Variants in CAP2 observed in about 807,000 individuals in gnomAD.
CAP2 encodes adenylyl cyclase-associated protein 2.
In CAP2, 24 loss-of-function variants were observed where a neutral mutation model predicts 57.7. That is an observed-to-expected ratio of 0.42 (90% CI 0.30 to 0.58). CAP2 has a LOEUF of 0.58. CAP2 is among the 20% of genes least tolerant of loss of function. The probability of loss-of-function intolerance (pLI) is 0.22; values close to 1 mark genes in which losing one functional copy is unlikely to be tolerated. For missense variants in CAP2, 501 were observed against 590.3 expected, an observed-to-expected ratio of 0.85 and a Z score of 1.57; for synonymous variants, 194 against 207.2, an observed-to-expected ratio of 0.94 and a Z score of 0.55.
intron 4 of CAP2, among the ~76,000 whole-genome samples, chr6:17,497,567 T>C (rs1254767698): frequency 6.6e-6 from 1 of 152,242 alleles, no homozygotes; most frequent in Admixed American, 6.5e-5. Context: ...TCGTTATTTG[T>C]CATTGCCTAG....
intron 4 of CAP2, among the ~76,000 whole-genome samples, chr6:17,473,842 T>G (rs1277926714): frequency 1.3e-5 from 2 of 152,204 alleles, no homozygotes; most frequent in Non-Finnish European, 2.9e-5. Flanking sequence ...CAGTGAGGGC[T>G]CGATTGAAGC....
At chr6:17,420,865 GT>G (rs1175850889) in intron 1 of CAP2, among the ~76,000 whole-genome samples, 12 of 151,978 alleles carry the variant, frequency 7.9e-5, no homozygotes, top group Non-Finnish European at 1.8e-4. Context: ...CAAGTTTTAG[GT>G]TCTTTTGAAT....
intron 11 of CAP2, 125 bp from the exon 12 acceptor site, chr6:17,551,339 C>G: frequency 1.4e-6 from 1 of 717,698 alleles, no homozygotes; most frequent in African/African-American, 1.8e-5. Flanking sequence ...CCAGCTTTGA[C>G]CCAGTGAATT....
intron 4 of CAP2, among the ~76,000 whole-genome samples, chr6:17,506,313 T>G (rs1179421946): frequency 1.3e-5 from 2 of 152,150 alleles, no homozygotes; most frequent in Non-Finnish European, 2.9e-5. Context: ...CAATGTAGAA[T>G]GCCAACAAAG....
At chr6:17,414,325 A>G (rs538970016) in intron 1 of CAP2, among the ~76,000 whole-genome samples, 4 of 151,898 alleles carry the variant, frequency 2.6e-5, no homozygotes, top group African/African-American at 9.7e-5. Flanking sequence ...TGTGCAGAAC[A>G]TGCAGGTTCG....
intron 7 of CAP2, among the ~76,000 whole-genome samples, chr6:17,519,024 C>T (rs79805106): frequency 0.018 from 2,806 of 152,232 alleles, 87 homozygotes; most frequent in East Asian, 0.13. Context: ...AAGTTTATGA[C>T]GACTTAACAT....
At chr6:17,487,091 C>T (rs1201683857) in intron 4 of CAP2, among the ~76,000 whole-genome samples, 1 of 152,228 alleles carries the variant, frequency 6.6e-6, no homozygotes, top group Non-Finnish European at 1.5e-5. Flanking sequence ...ATTAACTCAG[C>T]ACTTAATTGC....
At chr6:17,483,298 G>T (rs11967323) in intron 4 of CAP2, among the ~76,000 whole-genome samples, 1,950 of 152,260 alleles carry the variant, frequency 0.013, 49 homozygotes, top group African/African-American at 0.045. Context: ...AAAGTGCAGG[G>T]TACATAGATA....
chr6:17,477,156 G>C (rs1277394069), intron 4 of CAP2, among the ~76,000 whole-genome samples: 1 of 152,116 alleles, frequency 6.6e-6, no homozygotes, highest in Non-Finnish European at 1.5e-5. Flanking sequence ...TTACAGGCGT[G>C]AGCCACCGTG....
At chr6:17,550,721 GA>G (rs1377193913) in intron 11 of CAP2, among the ~76,000 whole-genome samples, 1 of 152,058 alleles carries the variant, frequency 6.6e-6, no homozygotes, top group Non-Finnish European at 1.5e-5. Flanking sequence ...TGTTAGAAGA[GA>G]AATTTAAAAC....
chr6:17,496,796 T>C (rs1476028443), intron 4 of CAP2, among the ~76,000 whole-genome samples: 1 of 152,196 alleles, frequency 6.6e-6, no homozygotes, highest in African/African-American at 2.4e-5. Context: ...GTTGTTGAAA[T>C]TCTTTGCATC....
intron 3 of CAP2, among the ~76,000 whole-genome samples, chr6:17,434,763 C>T (rs1759828840): frequency 6.6e-6 from 1 of 152,184 alleles, no homozygotes; most frequent in South Asian, 2.1e-4. Context: ...ATTATGTACA[C>T]TGCTTCACAC....
At chr6:17,530,917 T>C in intron 7 of CAP2, 1 of 1,488,636 alleles carries the variant, frequency 6.7e-7, no homozygotes, top group Non-Finnish European at 9.2e-7. Flanking sequence ...CTAATAAGCC[T>C]GTTGATCTGG....
At chr6:17,464,919 T>C (rs975443012) in intron 4 of CAP2, among the ~76,000 whole-genome samples, 1 of 152,224 alleles carries the variant, frequency 6.6e-6, no homozygotes, top group African/African-American at 2.4e-5. Context: ...GAAGAAGAAC[T>C]GTGACTTTCC....
intron 1 of CAP2, among the ~76,000 whole-genome samples, chr6:17,397,409 A>C (rs570309211): frequency 1.3e-4 from 20 of 150,768 alleles, no homozygotes; most frequent in Non-Finnish European, 2.2e-4. Flanking sequence ...AATTACCCAC[A>C]TTGGGCTGGG....
At chr6:17,538,078 A>G (rs1448940990) in intron 7 of CAP2, among the ~76,000 whole-genome samples, 1 of 151,868 alleles carries the variant, frequency 6.6e-6, no homozygotes, top group Non-Finnish European at 1.5e-5. Context: ...AAATTAAATA[A>G]AAGTAAAACA....
intron 6 of CAP2, among the ~76,000 whole-genome samples, chr6:17,509,303 C>G (rs186374551): frequency 6.6e-6 from 1 of 151,594 alleles, no homozygotes; most frequent in South Asian, 2.1e-4. Context: ...AAAATACACA[C>G]GAGATGTTAA....
intron 3 of CAP2, among the ~76,000 whole-genome samples, chr6:17,429,995 C>T (rs576816510): frequency 6.6e-6 from 1 of 152,294 alleles, no homozygotes; most frequent in South Asian, 2.1e-4. Context: ...CCCTCACATA[C>T]CTGATTGTAC....
At chr6:17,515,528 C>T (rs998876613) in intron 7 of CAP2, among the ~76,000 whole-genome samples, 2 of 152,078 alleles carry the variant, frequency 1.3e-5, no homozygotes, top group African/African-American at 2.4e-5. Flanking sequence ...ACCTGGGTGA[C>T]GGGATCATTC....
Sources: allele counts gnomAD v4.1 joint callset (sites outside exome capture counted in the v4.1 genomes callset), GRCh38; gene constraint gnomAD v4.1.1; transcripts MANE v1.5; gene names NCBI Gene and HGNC (gene_info 2026-07-23, HGNC 2026-07-21).